The following PLXDC2 variants were observed in gnomAD, a reference collection of about 807,000 sequenced individuals.
The protein encoded by PLXDC2 is plexin domain-containing protein 2.
Under a neutral mutation model 68.9 loss-of-function variants are expected in PLXDC2, and 40 were observed. The ratio of observed to expected loss-of-function variants is 0.58; its 90% CI spans 0.45 to 0.76. PLXDC2 has a LOEUF of 0.76. Ranked by LOEUF, PLXDC2 falls within the 30% of genes least tolerant of loss-of-function variation. PLXDC2 has a pLI of 0.00. For missense variants in PLXDC2, 644 were observed against 661.9 expected (o/e 0.97, Z 0.30); for synonymous variants, 243 against 234.2 (o/e 1.04, Z -0.34).
intron 12 of PLXDC2, among the ~76,000 whole-genome samples, chr10:20,224,208 G>A (rs1462730453): frequency 3.3e-5 from 5 of 151,822 alleles, no homozygotes; most frequent in African/African-American, 7.3e-5. Flanking sequence ...TCTTGACCTC[G>A]GGTGATCCAC....
rs567233470 is a variant in PLXDC2, at chr10:19,855,053, T to C, written c.112+37862T>C. 1.1e-3 allele frequency among the ~76,000 whole-genome samples: 174 copies of C among 152,322 alleles called. 2 individuals are homozygous for C. The highest frequency in any genetic ancestry group is 3.4e-3 in the Middle Eastern group (1 of 294). On this transcript the variant is annotated intron_variant, in intron 1 of 13. Coordinates refer to ENST00000377252, the MANE Select transcript of PLXDC2 (RefSeq NM_032812.9). The stretch of plus-strand genomic sequence containing the variant: ...ACTGTGATGGGACTAAAATGTAAAT[T>C]ACTTCAGGGCAGGGATCTTTGTTTT...
chr10:19,884,748 A>T (rs1202635073), intron 1 of PLXDC2, among the ~76,000 whole-genome samples: 1 of 152,082 alleles, frequency 6.6e-6, no homozygotes, highest in Admixed American at 6.6e-5. Flanking sequence ...AATCAAGTCT[A>T]TCGTTGTTGG....
rs763613047 is a variant in PLXDC2, at chr10:20,177,298, T to G, written c.980-30T>G. 6 of 1,533,656 alleles carry G rather than the reference T, an allele frequency of 3.9e-6. No homozygotes were observed. In the African/African-American group the frequency reaches 8.2e-5, roughly 21 times the overall value. On this transcript the variant is annotated intron_variant, in intron 8 of 13. Transcript: ENST00000377252. ...TTCCCCTCCAAGTTGCCTGTTAGTCTTGGTGAATCTGTTCTTTCCTCTTCC... is the reference window on the plus strand; with the variant it reads ...TTCCCCTCCAAGTTGCCTGTTAGTCGTGGTGAATCTGTTCTTTCCTCTTCC...
At chr10:20,230,182 A>G (rs1304574358) in intron 12 of PLXDC2, among the ~76,000 whole-genome samples, 2 of 152,182 alleles carry the variant, frequency 1.3e-5, no homozygotes, top group Non-Finnish European at 2.9e-5. Context: ...GCCAGATCCA[A>G]CTCTATGCTG....
chr10:20,189,045 TTC>T (rs1564346933), intron 9 of PLXDC2, among the ~76,000 whole-genome samples: 1 of 129,854 alleles, frequency 7.7e-6, no homozygotes, highest in Non-Finnish European at 1.9e-5. Context: ...ATCTTCGCTT[TTC>T]TATTAAGCTG....
chr10:20,234,629 CTGT>C (rs1367551252), intron 12 of PLXDC2, among the ~76,000 whole-genome samples: 15 of 147,774 alleles, frequency 1.0e-4, no homozygotes, highest in Admixed American at 5.4e-4. Context: ...CTCTACCGAG[CTGT>C]TGTTGTTAAT....
Position 20,235,043 on chromosome 10 carries a change from C to T in PLXDC2, c.1313-10302C>T, listed in dbSNP as rs546391352. Among the ~76,000 whole-genome samples the T allele has an allele frequency of 7.2e-5, 11 of 152,306 alleles. No homozygotes were observed. In the South Asian group the frequency reaches 1.2e-3, roughly 17 times the overall value. ...GGGTTGATCTTATTTAGATAGGCTA[C>T]TAGACCTCAGAAGCTAGACTTTTGT... On this transcript the variant is annotated intron_variant, in intron 12 of 13. Transcript: ENST00000377252.
intron 1 of PLXDC2, among the ~76,000 whole-genome samples, chr10:19,983,289 C>A (rs1047762427): frequency 1.3e-5 from 2 of 152,054 alleles, no homozygotes; most frequent in South Asian, 2.1e-4. Context: ...ATTAACCCAG[C>A]CAAACTGGGA....
At chr10:19,998,652 A>G (rs1438458506) in intron 1 of PLXDC2, among the ~76,000 whole-genome samples, 1 of 152,192 alleles carries the variant, frequency 6.6e-6, no homozygotes, top group Non-Finnish European at 1.5e-5. Context: ...ACTCTTTGCA[A>G]ACACAATTAG....
intron 4 of PLXDC2, among the ~76,000 whole-genome samples, chr10:20,141,867 A>G (rs1834011227): frequency 6.6e-6 from 1 of 152,088 alleles, no homozygotes; most frequent in Admixed American, 6.6e-5. Context: ...GTTTTGAAAG[A>G]TAGTGCTTGG....
At chr10:19,955,514 A>G (rs1413455710) in intron 1 of PLXDC2, among the ~76,000 whole-genome samples, 1 of 152,120 alleles carries the variant, frequency 6.6e-6, no homozygotes, top group South Asian at 2.1e-4. Flanking sequence ...CCCAGGTCCA[A>G]GGGCTGCCTT....
intron 1 of PLXDC2, among the ~76,000 whole-genome samples, chr10:19,876,262 C>G (rs780971159): frequency 6.6e-6 from 1 of 152,022 alleles, no homozygotes; most frequent in Non-Finnish European, 1.5e-5. Flanking sequence ...GATTTGAAAC[C>G]AGTAAGAGAA....
At chr10:20,107,480 A>G (rs1430735181) in intron 4 of PLXDC2, among the ~76,000 whole-genome samples, 1 of 152,166 alleles carries the variant, frequency 6.6e-6, no homozygotes, top group African/African-American at 2.4e-5. Flanking sequence ...TTAAAGGCAG[A>G]AAAAAAGCAC....
intron 4 of PLXDC2, among the ~76,000 whole-genome samples, chr10:20,075,668 A>G (rs773635051): frequency 6.6e-6 from 1 of 152,188 alleles, no homozygotes; most frequent in Non-Finnish European, 1.5e-5. Context: ...AGTTGACTCA[A>G]TAGGAATCAG....
chr10:20,251,724 A>C lies in PLXDC2; in HGVS notation c.1473+6219A>C, dbSNP rs1399559620. On this transcript the variant is annotated intron_variant, in intron 13 of 13. Transcript: ENST00000377252. ...CCTATGAAAGGATTCTATTTGGACTATAACGAAATAGTTTAGACTAGCCAT... is the reference window on the plus strand; with the variant it reads ...CCTATGAAAGGATTCTATTTGGACTCTAACGAAATAGTTTAGACTAGCCAT... Among the ~76,000 whole-genome samples, 3 of 152,198 alleles carry C rather than the reference A, an allele frequency of 2.0e-5. No homozygotes were observed. The South Asian group carries it at 6.2e-4, about 31-fold the overall frequency.
intron 3 of PLXDC2, among the ~76,000 whole-genome samples, chr10:20,056,533 T>C (rs1335601935): frequency 6.6e-6 from 1 of 152,196 alleles, no homozygotes; most frequent in East Asian, 1.9e-4. Context: ...TTACTAATAA[T>C]TGAATCTACC....
Position 20,285,388 on chromosome 10 carries a change from T to C in PLXDC2, c.*5569T>C, listed in dbSNP as rs1478401906. 6.6e-6 allele frequency: 1 copy of C among 152,146 alleles called. No individual in the cohort carries two copies. The highest frequency in any genetic ancestry group is 1.5e-5 in the Non-Finnish European group (1 of 68,012). 9.4% of individuals were successfully genotyped at this position (152,146 alleles called of 1,614,324 possible). A position where few individuals can be genotyped will look rare whatever the true frequency, so the allele number is the denominator to read the frequency against. On this transcript the variant is annotated 3_prime_UTR_variant, in exon 14 of 14. Transcript: ENST00000377252. ...ATATACAGTAGTGAGAGTCCAGGCATGTAACCGATCATTATAATACAATAA... is the reference window on the plus strand; with the variant it reads ...ATATACAGTAGTGAGAGTCCAGGCACGTAACCGATCATTATAATACAATAA...
At chr10:20,122,089 C>A (rs190466183) in intron 4 of PLXDC2, among the ~76,000 whole-genome samples, 105 of 151,808 alleles carry the variant, frequency 6.9e-4, no homozygotes, top group African/African-American at 2.4e-3. Context: ...TAACTGTAAT[C>A]CAGGAATAGT....
intron 9 of PLXDC2, among the ~76,000 whole-genome samples, chr10:20,179,479 A>T (rs1834573158): frequency 6.6e-6 from 1 of 152,030 alleles, no homozygotes. Context: ...AAGATGAGGG[A>T]CTTTCAATGC....
Sources: allele counts gnomAD v4.1 joint callset (sites outside exome capture counted in the v4.1 genomes callset), GRCh38; gene constraint gnomAD v4.1.1; transcripts MANE v1.5; gene names NCBI Gene and HGNC (gene_info 2026-07-23, HGNC 2026-07-21).